ZC2HC1B: variants seen among roughly 807,000 people sequenced by gnomAD.
The protein encoded by ZC2HC1B is zinc finger C2HC domain-containing protein 1B.
Under a neutral mutation model 31.0 loss-of-function variants are expected in ZC2HC1B, and 36 were observed. That is an observed-to-expected ratio of 1.16 (90% CI 0.89 to 1.54). ZC2HC1B has a LOEUF of 1.54. Among genes scored for constraint, ZC2HC1B ranks in the 40% most tolerant of loss-of-function variants. The pLI, the probability that ZC2HC1B is intolerant of heterozygous loss-of-function variation, is 0.00. For synonymous variants in ZC2HC1B, 73 were observed against 88.0 expected (o/e 0.83, Z 0.95); for missense variants, 260 against 268.6 (o/e 0.97, Z 0.22).
intron 4 of ZC2HC1B, among the ~76,000 whole-genome samples, chr6:143,890,704 A>G (rs1407005855): frequency 1.3e-5 from 2 of 152,272 alleles, no homozygotes; most frequent in Non-Finnish European, 1.5e-5. Context: ...ATAATTGTGA[A>G]TGAGTAAATA....
Position 143,905,562 on chromosome 6 carries a change from A to G in ZC2HC1B, c.598+2410A>G, listed in dbSNP as rs1200445480. On this transcript the variant is annotated intron_variant, in intron 6 of 7. Coordinates refer to ENST00000237275, the MANE Select transcript of ZC2HC1B (RefSeq NM_001013623.3). This position sits in a 1 kb window ranked among gnomAD's most constrained non-coding sequence, Gnocchi z 4.2. The stretch of plus-strand genomic sequence containing the variant: ...ATGCCTTTTAATTTTTTTCTTCCTA[A>G]TTGCTCTGGTTGGAACTTCTAGTAC... Among the ~76,000 whole-genome samples, 1 of 151,888 alleles carries G rather than the reference A, an allele frequency of 6.6e-6. No homozygotes were observed. Among genetic ancestry groups the G allele is most frequent in the Non-Finnish European group, 1.5e-5 (1 of 67,974 alleles).
At chr6:143,864,596 A>G in intron 1 of ZC2HC1B, 29 bp downstream of exon 1, 1 of 1,551,274 alleles carries the variant, frequency 6.4e-7, no homozygotes, top group Non-Finnish European at 8.7e-7. Flanking sequence ...CTAAATTATT[A>G]GAAAATGCCT....
chr6:143,900,840 GT>G (rs1777729237), intron 5 of ZC2HC1B, among the ~76,000 whole-genome samples: 1 of 152,086 alleles, frequency 6.6e-6, no homozygotes, highest in Non-Finnish European at 1.5e-5. Context: ...TTTATAGATT[GT>G]TTTGTTTTTG....
intron 6 of ZC2HC1B, among the ~76,000 whole-genome samples, chr6:143,920,841 G>A (rs1777978638): frequency 1.3e-5 from 2 of 150,896 alleles, no homozygotes; most frequent in South Asian, 4.2e-4. Context: ...CCAGGAGTCG[G>A]AGGTTACAGT....
intron 4 of ZC2HC1B, among the ~76,000 whole-genome samples, chr6:143,893,149 T>G (rs749494454): frequency 6.6e-6 from 1 of 152,038 alleles, no homozygotes; most frequent in East Asian, 1.9e-4. Flanking sequence ...GTAAACAGAT[T>G]TATTTGAACA....
chr6:143,895,666 A>T lies in ZC2HC1B; in HGVS notation c.350-2886A>T, dbSNP rs1434585038. Reference sequence around the variant, plus strand: ...AATTTCTAGGATACTGTGACAGTTTATGGGGACAGTGATATAGAATATTTA... The same window carrying T: ...AATTTCTAGGATACTGTGACAGTTTTTGGGGACAGTGATATAGAATATTTA... On this transcript the variant is annotated intron_variant, in intron 4 of 7. Coordinates refer to ENST00000237275, the MANE Select transcript of ZC2HC1B (RefSeq NM_001013623.3). The surrounding 1 kb of genome is among the most constrained non-coding windows in gnomAD (Gnocchi z 4.8). Among the ~76,000 whole-genome samples, 1 of 152,156 alleles carries T rather than the reference A, an allele frequency of 6.6e-6. No individual in the cohort carries two copies. The highest frequency in any genetic ancestry group is 2.4e-5 in the African/African-American group (1 of 41,422).
chr6:143,898,034 TTGAAA>T (rs1777615351), intron 4 of ZC2HC1B, among the ~76,000 whole-genome samples: 1 of 152,236 alleles, frequency 6.6e-6, no homozygotes, highest in Non-Finnish European at 1.5e-5. Context: ...GGACAGACAA[TTGAAA>T]TGAATGCACA....
At chr6:143,928,870 AC>A (rs1393544869) in intron 6 of ZC2HC1B, among the ~76,000 whole-genome samples, 1 of 141,628 alleles carries the variant, frequency 7.1e-6, no homozygotes, top group Non-Finnish European at 1.5e-5. Flanking sequence ...AATGGGATTG[AC>A]TTTTGATTTG....
chr6:143,882,055 T>TTA (rs997494818), intron 1 of ZC2HC1B, among the ~76,000 whole-genome samples: 3 of 152,040 alleles, frequency 2.0e-5, no homozygotes, highest in African/African-American at 7.3e-5. Flanking sequence ...AGTCTCAGTA[T>TTA]TACCACTTAC....
intron 4 of ZC2HC1B, among the ~76,000 whole-genome samples, chr6:143,891,292 T>C (rs1416409751): frequency 6.6e-6 from 1 of 152,130 alleles, no homozygotes; most frequent in Non-Finnish European, 1.5e-5. Context: ...AGATTTACCA[T>C]TTTTCTGGTT....
chr6:143,898,120 A>C (rs1369588483), intron 4 of ZC2HC1B, among the ~76,000 whole-genome samples: 1 of 152,236 alleles, frequency 6.6e-6, no homozygotes, highest in Admixed American at 6.5e-5. Flanking sequence ...AATAGTCTCA[A>C]ACCAGAGTTT....
chr6:143,872,124 G>A lies in ZC2HC1B; in HGVS notation c.28+7557G>A, dbSNP rs1777348751. On this transcript the variant is annotated intron_variant, in intron 1 of 7. Transcript: ENST00000237275. This position sits in a 1 kb window ranked among gnomAD's most constrained non-coding sequence, Gnocchi z 5.5. ...CCAGAGGTCTTCTTGGGGAAGGATG[G>A]GAGAAAGATTAACAGCATAAATTGT... Among the ~76,000 whole-genome samples the A allele has an allele frequency of 6.6e-6, 1 of 152,128 alleles. No individual in the cohort carries two copies. The highest frequency in any genetic ancestry group is 2.4e-5 in the African/African-American group (1 of 41,424).
chr6:143,927,572 G>A (rs746393570), intron 6 of ZC2HC1B, among the ~76,000 whole-genome samples: 16 of 151,896 alleles, frequency 1.1e-4, no homozygotes, highest in East Asian at 3.9e-4. Context: ...AGGTTGATTC[G>A]GTATCTGTCA....
In ZC2HC1B at chr6:143,884,097, G is replaced by A. The variant is rs969155779; in HGVS notation, c.29-207G>A. Among the ~76,000 whole-genome samples, 1 of 152,156 alleles carries A rather than the reference G, an allele frequency of 6.6e-6. No individual in the cohort carries two copies. Among genetic ancestry groups the A allele is most frequent in the Admixed American group, 6.5e-5 (1 of 15,282 alleles). On this transcript the variant is annotated intron_variant, in intron 1 of 7. Transcript: ENST00000237275. The surrounding 1 kb of genome is among the most constrained non-coding windows in gnomAD (Gnocchi z 5.1). Reference sequence around the variant, plus strand: ...TGCCTGAAGGATATGGAATTTACTTGTTTAGTGAAGTGAGGAGTTTATATC... The same window carrying A: ...TGCCTGAAGGATATGGAATTTACTTATTTAGTGAAGTGAGGAGTTTATATC...
In ZC2HC1B at chr6:143,884,832, A is replaced by G. The variant is rs767781221; in HGVS notation, c.90+467A>G. On this transcript the variant is annotated intron_variant, in intron 2 of 7. Transcript: ENST00000237275. The surrounding 1 kb of genome is among the most constrained non-coding windows in gnomAD (Gnocchi z 5.1). Reference sequence around the variant, plus strand: ...CTTTGCCACGTATACAGAACCTTCAAATTTGAGGGTTTTTATACCATTTGA... The same window carrying G: ...CTTTGCCACGTATACAGAACCTTCAGATTTGAGGGTTTTTATACCATTTGA... 4.6e-5 allele frequency among the ~76,000 whole-genome samples: 7 copies of G among 152,154 alleles called. No individual in the cohort carries two copies. The highest frequency in any genetic ancestry group is 1.0e-4 in the Non-Finnish European group (7 of 68,032).
At chr6:143,898,077 CT>C (rs1249011007) in intron 4 of ZC2HC1B, among the ~76,000 whole-genome samples, 2 of 152,206 alleles carry the variant, frequency 1.3e-5, no homozygotes, top group Non-Finnish European at 2.9e-5. Flanking sequence ...ATGCCATGTC[CT>C]TTAGTTGAGC....
At chr6:143,876,442 C>G (rs1175580573) in intron 1 of ZC2HC1B, among the ~76,000 whole-genome samples, 1 of 150,356 alleles carries the variant, frequency 6.7e-6, no homozygotes, top group Non-Finnish European at 1.5e-5. Context: ...CAGTGTTCTG[C>G]ATACTATTAG....
At chr6:143,902,927 C>G (rs1777752683) in intron 5 of ZC2HC1B, 117 bp from the exon 6 acceptor site, 1 of 859,694 alleles carries the variant, frequency 1.2e-6, no homozygotes, top group East Asian at 2.7e-5. Context: ...TTCAGGGAGT[C>G]CCTGCAGATG....
intron 1 of ZC2HC1B, chr6:143,881,648 A>C (rs919441048): frequency 6.6e-6 from 1 of 151,194 alleles, no homozygotes; most frequent in Non-Finnish European, 1.5e-5. Context: ...TTAACCGTTC[A>C]CCTACTGAAA....
Sources: allele counts gnomAD v4.1 joint callset (sites outside exome capture counted in the v4.1 genomes callset), GRCh38; gene constraint gnomAD v4.1.1; non-coding constraint Gnocchi (gnomAD v3.1); transcripts MANE v1.5; gene names NCBI Gene and HGNC (gene_info 2026-07-23, HGNC 2026-07-21).